The following EXT2 variants were observed in gnomAD, a reference collection of about 807,000 sequenced individuals.
EXT2 encodes exostosin-2.
A neutral mutation model predicts 81.6 loss-of-function variants in EXT2; 53 were observed. The ratio of observed to expected loss-of-function variants is 0.65; its 90% CI spans 0.52 to 0.82. EXT2 has a LOEUF of 0.82. Among genes scored for constraint, EXT2 ranks in the 40% least tolerant of loss-of-function variants. EXT2 has a pLI of 0.00. For missense variants in EXT2, 774 were observed against 910.2 expected (o/e 0.85, Z 1.93); for synonymous variants, 320 against 340.0 (o/e 0.94, Z 0.65).
chr11:44,190,237 A>G (rs371549741), intron 8 of EXT2, among the ~76,000 whole-genome samples: 3 of 152,230 alleles, frequency 2.0e-5, no homozygotes, highest in Non-Finnish European at 2.9e-5. Context: ...ATACTTTTCA[A>G]AGTCTTCAGT....
At chr11:44,146,143 G>A (rs940615356) in intron 7 of EXT2, among the ~76,000 whole-genome samples, 2 of 152,150 alleles carry the variant, frequency 1.3e-5, no homozygotes, top group African/African-American at 2.4e-5. Flanking sequence ...CTGTATTCAC[G>A]CACCTCTGGT....
intron 7 of EXT2, among the ~76,000 whole-genome samples, chr11:44,138,623 T>G (rs1954603816): frequency 1.3e-5 from 2 of 152,172 alleles, no homozygotes; most frequent in Admixed American, 1.3e-4. Flanking sequence ...TTCCTGTAGC[T>G]TTTGTTCCAG....
At chr11:44,232,556 G>C (rs1955912371) in intron 11 of EXT2, 60 bp downstream of exon 11, 2 of 1,601,094 alleles carry the variant, frequency 1.2e-6, no homozygotes, top group South Asian at 2.2e-5. Flanking sequence ...CATTTTATTT[G>C]ACCCAATTTA....
At chr11:44,239,689 CTTTTTTTTT>C (rs397849292) in intron 13 of EXT2, among the ~76,000 whole-genome samples, 16 of 85,334 alleles carry the variant, frequency 1.9e-4, no homozygotes, top group East Asian at 1.5e-3. Flanking sequence ...CCCTGCCTGG[CTTTTTTTTT>C]TTTTTTTTTT....
intron 7 of EXT2, among the ~76,000 whole-genome samples, chr11:44,152,845 T>G (rs569349132): frequency 6.6e-6 from 1 of 152,346 alleles, no homozygotes. Context: ...GGTATATTTA[T>G]GTAGGTCTGT....
intron 1 of EXT2, among the ~76,000 whole-genome samples, chr11:44,102,279 A>G (rs1005715012): frequency 2.0e-5 from 3 of 152,292 alleles, no homozygotes; most frequent in African/African-American, 4.8e-5. Context: ...CCCTCAACCA[A>G]TAGTGGATAG....
At chr11:44,121,959 G>A (rs961125346) in intron 4 of EXT2, among the ~76,000 whole-genome samples, 10 of 151,920 alleles carry the variant, frequency 6.6e-5, no homozygotes, top group East Asian at 1.9e-4. Flanking sequence ...AACATTCCAC[G>A]TGCGCCTTCT....
At chr11:44,237,922 AAAAAAAAAC>A (rs1955987864) in intron 13 of EXT2, among the ~76,000 whole-genome samples, 1 of 150,874 alleles carries the variant, frequency 6.6e-6, no homozygotes, top group African/African-American at 2.4e-5. Context: ...AAAAAAAAAA[AAAAAAAAAC>A]ATACAAAGTT....
At chr11:44,096,342 A>T in intron 1 of EXT2, 1 of 1,533,184 alleles carries the variant, frequency 6.5e-7, no homozygotes, top group Non-Finnish European at 8.7e-7. Context: ...GGCCAGGGGC[A>T]TGTTATGCCG....
intron 3 of EXT2, 142 bp from the exon 4 acceptor site, chr11:44,114,043 G>A: frequency 1.3e-6 from 1 of 777,266 alleles, no homozygotes; most frequent in Non-Finnish European, 2.3e-6. Flanking sequence ...CGTGTATAAG[G>A]CATTGTCTTT....
chr11:44,119,194 A>C (rs1183559360), intron 4 of EXT2, among the ~76,000 whole-genome samples: 1 of 134,222 alleles, frequency 7.5e-6, no homozygotes, highest in South Asian at 2.5e-4. Context: ...ACACACACAC[A>C]TTTTTGACTG....
intron 7 of EXT2, among the ~76,000 whole-genome samples, chr11:44,139,610 C>G (rs1164999538): frequency 6.6e-6 from 1 of 152,134 alleles, no homozygotes; most frequent in East Asian, 1.9e-4. Flanking sequence ...TCCCCCATTT[C>G]TTTCTAGCCA....
chr11:44,107,685 G>A lies in EXT2; in HGVS notation c.-28G>A, dbSNP rs776356627. The A allele has an allele frequency of 3.1e-6, 5 of 1,607,756 alleles. No homozygotes were observed. Among genetic ancestry groups the A allele is most frequent in the South Asian group, 2.2e-5 (2 of 90,856 alleles). Reference sequence around the variant, plus strand: ...TTATTTCTCTCCCTGGTGACCAGGAGTGTGAGGAAGAGGCTGTCTGTGTCA... The same window carrying A: ...TTATTTCTCTCCCTGGTGACCAGGAATGTGAGGAAGAGGCTGTCTGTGTCA... On this transcript the variant is annotated splice_region_variant and 5_prime_UTR_variant, in exon 2 of 14. In the 5' UTR this introduces an upstream ATG that the reference lacks. Coordinates refer to ENST00000533608, the MANE Select transcript of EXT2 (RefSeq NM_207122.2).
chr11:44,156,643 C>T (rs183920745), intron 7 of EXT2, among the ~76,000 whole-genome samples: 9 of 152,286 alleles, frequency 5.9e-5, no homozygotes, highest in East Asian at 1.9e-4. Flanking sequence ...TGAATTTCCT[C>T]AAGCTTCCTC....
chr11:44,206,858 A>T lies in EXT2; in HGVS notation c.1561A>T (p.Asn521Tyr). The change falls in exon 10 of 14, where the codon AAC becomes TAC. Residue 521 changes from asparagine to tyrosine, a missense_variant. Asn to Tyr is a moderately radical substitution (Grantham distance 143, BLOSUM62 -2). Around this residue, in one of 2 missense-constraint regions of EXT2, gnomAD observed 626 missense variants for 670.5 expected, o/e 0.93. Coordinates refer to ENST00000533608, the MANE Select transcript of EXT2 (RefSeq NM_207122.2). ...VVRTAENKLSNRFFPYDEIET... is the reference protein window; with the variant it reads ...VVRTAENKLSYRFFPYDEIET... ...GAGGACTGCTGAAAACAAGTTAAGT[A>T]ACCGTTTCTTCCCTTATGATGAAAT... is the stretch of plus-strand genomic sequence containing the variant. The T allele has an allele frequency of 6.2e-7, 1 of 1,614,142 alleles. No individual in the cohort carries two copies. The highest frequency in any genetic ancestry group is 8.5e-7 in the Non-Finnish European group (1 of 1,180,002).
At chr11:44,165,035 C>T (rs934222679) in intron 7 of EXT2, among the ~76,000 whole-genome samples, 4 of 151,842 alleles carry the variant, frequency 2.6e-5, no homozygotes, top group Non-Finnish European at 4.4e-5. Flanking sequence ...CCCGCCACCA[C>T]GCCCGGCTAA....
At chr11:44,103,678 CTT>C (rs1301040444) in intron 1 of EXT2, 1 of 454,732 alleles carries the variant, frequency 2.2e-6, no homozygotes, top group African/African-American at 2.1e-5. Flanking sequence ...GATTTTTAAA[CTT>C]TTGATTCAGT....
intron 7 of EXT2, among the ~76,000 whole-genome samples, chr11:44,136,724 C>T (rs927581652): frequency 2.6e-5 from 4 of 152,164 alleles, no homozygotes; most frequent in Non-Finnish European, 5.9e-5. Context: ...TAAAAAATGC[C>T]AAATATTCCC....
intron 13 of EXT2, among the ~76,000 whole-genome samples, chr11:44,239,434 C>T (rs2135274136): frequency 7.2e-6 from 1 of 139,662 alleles, no homozygotes; most frequent in East Asian, 2.1e-4. Context: ...CACTCTCTTG[C>T]CAGGCTGGAG....
Sources: gnomAD v4.1 joint callset for allele counts (sites outside exome capture counted in the v4.1 genomes callset) on GRCh38, gnomAD v4.1.1 for gene constraint, gnomAD v4.1.1 regional missense constraint, MANE v1.5 for transcripts, NCBI Gene and HGNC (gene_info 2026-07-23, HGNC 2026-07-21) for gene names.